Variants in GAREM2 observed in about 807,000 individuals in gnomAD.
The protein encoded by GAREM2 is GRB2 associated regulator of MAPK1 subtype 2.
GAREM2 carries 30 observed loss-of-function variants against 55.6 expected under a neutral mutation model. The observed-to-expected ratio is 0.54, with a 90% CI of 0.40 to 0.73. The LOEUF (loss-of-function observed/expected upper bound fraction) is 0.73, where lower values mean the gene tolerates loss of function less well. Ranked by LOEUF, GAREM2 falls within the 30% of genes least tolerant of loss-of-function variation. GAREM2 has a pLI of 0.00. For missense variants in GAREM2, 1,075 were observed against 1,257.7 expected (o/e 0.85, Z 2.20); for synonymous variants, 550 against 569.1 (o/e 0.97, Z 0.48).
the GAREM2 span, chr2:26,201,043 C>T: frequency 1.1e-6 from 1 of 881,978 alleles, no homozygotes; most frequent in Non-Finnish European, 1.9e-6. Flanking sequence ...TTGAATAGTC[C>T]TTTTTATAAA....
Position 26,185,284 on chromosome 2 carries a change from A to G in GAREM2, c.1428+8A>G, listed in dbSNP as rs1267614051. Reference sequence around the variant, plus strand: ...CCTCCCAAATCCGAGGCGGTGAGTGAGCGCGCTGGGGGCCGAGTCCCGGGT... The same window carrying G: ...CCTCCCAAATCCGAGGCGGTGAGTGGGCGCGCTGGGGGCCGAGTCCCGGGT... On this transcript the variant is annotated splice_region_variant and intron_variant, in intron 4 of 5. Coordinates refer to ENST00000401533, the MANE Select transcript of GAREM2 (RefSeq NM_001168241.2). 1.3e-6 allele frequency: 2 copies of G among 1,501,482 alleles called. No homozygotes were observed. Among genetic ancestry groups the G allele is most frequent in the Non-Finnish European group, 1.8e-6 (2 of 1,131,962 alleles). The allele number at this position is 1,501,482 out of a possible 1,614,324, so 93.0% of individuals were successfully genotyped here. A position where few individuals can be genotyped will look rare whatever the true frequency, so the allele number is the denominator to read the frequency against.
In GAREM2 at chr2:26,173,186, GGGCCCCGGGACGGC is replaced by G. The variant is rs1164145101; in HGVS notation, c.-25_-12del. On this transcript the variant is annotated 5_prime_UTR_variant, in exon 1 of 6. Coordinates refer to ENST00000401533, the MANE Select transcript of GAREM2 (RefSeq NM_001168241.2). ...CTGGGCCGCGCGGGACTGACCGTCG[GGGCCCCGGGACGGC>G]GGCCCCGGGGCGCCCATGCCATGGA... 4.2e-6 allele frequency: 4 copies of G among 956,154 alleles called. No homozygotes were observed. Among genetic ancestry groups the G allele is most frequent in the Non-Finnish European group, 5.4e-6 (4 of 740,022 alleles). 59.2% of individuals were successfully genotyped at this position (956,154 alleles called of 1,614,324 possible). A position where few individuals can be genotyped will look rare whatever the true frequency, so the allele number is the denominator to read the frequency against.
chr2:26,194,593 ACAT>A, downstream of GAREM2: 2 of 1,611,776 alleles, frequency 1.2e-6, no homozygotes, highest in South Asian at 2.2e-5. Context: ...ATGACTTCAG[ACAT>A]CATGGGCGCA....
chr2:26,196,752 G>C, the GAREM2 span, among the ~76,000 whole-genome samples: 1 of 152,190 alleles, frequency 6.6e-6, no homozygotes, highest in African/African-American at 2.4e-5. Flanking sequence ...CTCCGATGGC[G>C]GGGAGAGGTT....
chr2:26,174,078 G>C (rs1014988301), intron 1 of GAREM2, among the ~76,000 whole-genome samples: 1 of 152,198 alleles, frequency 6.6e-6, no homozygotes, highest in Non-Finnish European at 1.5e-5. Context: ...GGCGGTAGCC[G>C]GGGCTGGCAG....
At chr2:26,194,268 C>A (rs557069701), downstream of GAREM2, among the ~76,000 whole-genome samples, 11 of 152,156 alleles carry the variant, frequency 7.2e-5, no homozygotes, top group Non-Finnish European at 1.3e-4. Context: ...GGGCCCTGTT[C>A]TGGATGGTCC....
At chr2:26,198,589 A>G in the GAREM2 span, among the ~76,000 whole-genome samples, 1 of 152,092 alleles carries the variant, frequency 6.6e-6, no homozygotes, top group Non-Finnish European at 1.5e-5. Flanking sequence ...AGGAAGACAC[A>G]TTCAACACAC....
chr2:26,202,595 G>T, the GAREM2 span, among the ~76,000 whole-genome samples: 1 of 152,188 alleles, frequency 6.6e-6, no homozygotes, highest in African/African-American at 2.4e-5. Context: ...ACAAAAATCA[G>T]CTGTGCATGG....
downstream of GAREM2, chr2:26,191,110 G>A (rs1032145335): frequency 3.7e-6 from 3 of 803,908 alleles, no homozygotes; most frequent in Non-Finnish European, 6.3e-6. Context: ...CTTGGCTGAA[G>A]GCACTTTAAT....
intron 4 of GAREM2, among the ~76,000 whole-genome samples, 179 bp from the exon 5 acceptor site, chr2:26,186,010 G>A (rs1303326790): frequency 6.6e-6 from 1 of 152,198 alleles, no homozygotes; most frequent in African/African-American, 2.4e-5. Context: ...GGCTGGGAAG[G>A]CTAGGAAGGG....
intron 1 of GAREM2, among the ~76,000 whole-genome samples, chr2:26,174,122 G>C (rs1668785855): frequency 6.6e-6 from 1 of 152,192 alleles, no homozygotes; most frequent in Non-Finnish European, 1.5e-5. Flanking sequence ...AGAAGAATAG[G>C]GGTTTGGCCC....
intron 3 of GAREM2, among the ~76,000 whole-genome samples, 184 bp from the exon 4 acceptor site, chr2:26,184,049 T>C (rs1455884158): frequency 6.6e-6 from 1 of 152,262 alleles, no homozygotes; most frequent in Non-Finnish European, 1.5e-5. Flanking sequence ...GGGCAACTCA[T>C]TTAAGGTGGC....
intron 5 of GAREM2, 22 bp from the exon 6 acceptor site, chr2:26,187,209 G>C: frequency 1.4e-6 from 2 of 1,440,290 alleles, no homozygotes; most frequent in Non-Finnish European, 1.8e-6. Context: ...TCCTATGTGT[G>C]TGTGTCTGTC....
In GAREM2 at chr2:26,188,547, A is replaced by G. The variant is rs911021933; in HGVS notation, c.*290A>G. 2 of 324,052 alleles carry G rather than the reference A, an allele frequency of 6.2e-6. No individual in the cohort carries two copies. The highest frequency in any genetic ancestry group is 4.2e-5 in the African/African-American group (2 of 47,182). The allele number at this position is 324,052 out of a possible 1,614,324, so 20.1% of individuals were successfully genotyped here. A position where few individuals can be genotyped will look rare whatever the true frequency, so the allele number is the denominator to read the frequency against. ...TTGCCGTGATTCCCACAACGGGGTC[A>G]AAAGCTGGCCTTCAGGGTGACCTAA... On this transcript the variant is annotated 3_prime_UTR_variant, in exon 6 of 6. Coordinates refer to ENST00000401533, the MANE Select transcript of GAREM2 (RefSeq NM_001168241.2).
the GAREM2 span, among the ~76,000 whole-genome samples, chr2:26,198,008 C>T: frequency 2.0e-5 from 3 of 152,168 alleles, no homozygotes; most frequent in East Asian, 5.8e-4. Flanking sequence ...TATGGCCCAT[C>T]ATAAGGTCAC....
At position 26,185,229 on chromosome 2, in the gene GAREM2, CG is replaced by C; in HGVS notation, c.1384del (p.Glu462SerfsTer16). ...ISFGAAGPPR[R>X]EPEAPPPPVP... Reference sequence around the variant, plus strand: ...CTTCGGGGCCGCGGGACCGCCGCGTCGGGAGCCGGAAGCGCCGCCGCCTCCA... The same window carrying C: ...CTTCGGGGCCGCGGGACCGCCGCGTCGGAGCCGGAAGCGCCGCCGCCTCCA... On this transcript the variant is annotated frameshift_variant, in exon 4 of 6. Transcript: ENST00000401533. LOFTEE classifies it high-confidence loss of function. 6.6e-7 allele frequency: 1 copy of C among 1,521,448 alleles called. No individual in the cohort carries two copies. The highest frequency in any genetic ancestry group is 8.8e-7 in the Non-Finnish European group (1 of 1,141,348). The allele number at this position is 1,521,448 out of a possible 1,614,324, so 94.2% of individuals were successfully genotyped here.
chr2:26,187,273 C>T lies in GAREM2; in HGVS notation c.1641C>T (p.Thr547=), dbSNP rs755991297. Reference sequence around the variant, plus strand: ...GCAGTGGCTCCCCATCGCCGGACACCTACTCCCTCTATTGCTACCCATGCA... The same window carrying T: ...GCAGTGGCTCCCCATCGCCGGACACTTACTCCCTCTATTGCTACCCATGCA... ...RSGSGSPSPD[T]YSLYCYPCTW... Residue 547 remains threonine, a synonymous_variant, in exon 6 of 6, where the codon ACC becomes ACT. Transcript: ENST00000401533. 130 of 1,465,916 alleles carry T rather than the reference C, an allele frequency of 8.9e-5. 1 individual carries two copies. In the African/African-American group the frequency reaches 1.7e-3, roughly 20 times the overall value. The allele number at this position is 1,465,916 out of a possible 1,614,324, so 90.8% of individuals were successfully genotyped here. A position where few individuals can be genotyped will look rare whatever the true frequency, so the allele number is the denominator to read the frequency against.
downstream of GAREM2, chr2:26,192,538 G>C: frequency 2.7e-6 from 2 of 741,148 alleles, no homozygotes; most frequent in South Asian, 2.8e-5. Context: ...TGTAATCCCA[G>C]CACTTTGGGA....
the GAREM2 span, among the ~76,000 whole-genome samples, chr2:26,202,557 A>G: frequency 6.6e-6 from 1 of 152,206 alleles, no homozygotes; most frequent in Admixed American, 6.5e-5. Flanking sequence ...CCTAACCAAC[A>G]TGGTGAAATC....
Sources: allele counts gnomAD v4.1 joint callset (sites outside exome capture counted in the v4.1 genomes callset), GRCh38; gene constraint gnomAD v4.1.1; transcripts MANE v1.5; gene names NCBI Gene and HGNC (gene_info 2026-07-23, HGNC 2026-07-21).